Variants in UCP1 observed in about 807,000 individuals in gnomAD.
The protein encoded by UCP1 is uncoupling protein 1.
A neutral mutation model predicts 26.2 loss-of-function variants in UCP1; 24 were observed. The observed-to-expected ratio is 0.92, with a 90% CI of 0.66 to 1.29. The LOEUF (loss-of-function observed/expected upper bound fraction) is 1.29, where lower values mean the gene tolerates loss of function less well. Among genes scored for constraint, UCP1 ranks in the 50% most tolerant of loss-of-function variants. The probability of loss-of-function intolerance (pLI) is 0.00; values close to 1 mark genes in which losing one functional copy is unlikely to be tolerated. For missense variants in UCP1, 402 were observed against 388.7 expected, an observed-to-expected ratio of 1.03 and a Z score of -0.29; for synonymous variants, 164 against 156.8, an observed-to-expected ratio of 1.05 and a Z score of -0.34.
At chr4:140,562,888 T>C (rs1735709167) in intron 4 of UCP1, among the ~76,000 whole-genome samples, 1 of 151,720 alleles carries the variant, frequency 6.6e-6, no homozygotes, top group Non-Finnish European at 1.5e-5. Flanking sequence ...TGAAATTGCC[T>C]GTTATTTTTG....
chr4:140,563,989 G>A (rs1418268253), intron 2 of UCP1, among the ~76,000 whole-genome samples: 3 of 152,200 alleles, frequency 2.0e-5, no homozygotes, highest in South Asian at 4.1e-4. Flanking sequence ...CGTCAACTCA[G>A]AGTAAGGCTA....
In UCP1 at chr4:140,568,737, C is replaced by G; in HGVS notation, c.-8G>C. ...GGCTGTCAGGCCCCCCATCTTCACTCAGAGACTGGAGATGCAGAGGAAAAG... is the reference window on the plus strand; with the variant it reads ...GGCTGTCAGGCCCCCCATCTTCACTGAGAGACTGGAGATGCAGAGGAAAAG... On this transcript the variant is annotated 5_prime_UTR_variant, in exon 1 of 6. Transcript: ENST00000262999. The G allele has an allele frequency of 6.3e-7, 1 of 1,582,664 alleles. No homozygotes were observed. Among genetic ancestry groups the G allele is most frequent in the Admixed American group, 1.8e-5 (1 of 55,464 alleles).
At chr4:140,561,631 G>A (rs56220366) in intron 5 of UCP1, among the ~76,000 whole-genome samples, 1 of 152,130 alleles carries the variant, frequency 6.6e-6, no homozygotes, top group Non-Finnish European at 1.5e-5. Flanking sequence ...GAGCCACCAC[G>A]CCGAGCCCAT....
intron 2 of UCP1, 143 bp downstream of exon 2, chr4:140,567,636 C>T: frequency 1.9e-6 from 2 of 1,077,226 alleles, no homozygotes. Flanking sequence ...GAACAATGAG[C>T]TAATGTTTGG....
At chr4:140,560,079 G>C (rs1735643960) in intron 5 of UCP1, 69 bp from the exon 6 acceptor site, 71 of 1,264,056 alleles carry the variant, frequency 5.6e-5, no homozygotes, top group Non-Finnish European at 7.7e-5. Flanking sequence ...TTGAGATGAG[G>C]CTTCACCCTG....
In UCP1 at chr4:140,562,388, T is replaced by C. The variant is rs1735697512; in HGVS notation, c.629-15A>G. ...GGGGACGTCATCTAAAATGGATCGA[T>C]GAAACAGGTCAACATCAGACTTTTG... is the stretch of plus-strand genomic sequence containing the variant. On this transcript the variant is annotated splice_polypyrimidine_tract_variant and intron_variant, in intron 4 of 5. Coordinates refer to ENST00000262999, the MANE Select transcript of UCP1 (RefSeq NM_021833.5). 1.2e-6 allele frequency: 2 copies of C among 1,613,530 alleles called. No individual in the cohort carries two copies. The highest frequency in any genetic ancestry group is 2.7e-5 in the African/African-American group (2 of 74,912).
chr4:140,565,219 C>T (rs1396053463), intron 2 of UCP1, among the ~76,000 whole-genome samples: 1 of 152,150 alleles, frequency 6.6e-6, no homozygotes, highest in East Asian at 1.9e-4. Context: ...TTCTATACAT[C>T]CTCTCTCAAT....
intron 4 of UCP1, 92 bp from the exon 5 acceptor site, chr4:140,562,465 G>A (rs1310715929): frequency 6.4e-6 from 8 of 1,252,466 alleles, no homozygotes; most frequent in Non-Finnish European, 9.2e-6. Flanking sequence ...ATTGATAACA[G>A]TAGGTCAATG....
rs139398662 is a variant in UCP1, at chr4:140,567,977, C to A, written c.127G>T (p.Val43Phe). ...PLDTAKVRLQ[V>F]QGECPTSSVI... ...CTGGACGTCGGGCATTCACCTTGGA[C>A]CTGGAAATAAGAAAGGTGCAGAACA... The change falls in exon 2 of 6, where the codon GTC (valine) becomes TTC (phenylalanine). Residue 43 changes from valine (V) to phenylalanine (F), a missense_variant and splice_region_variant. Transcript: ENST00000262999. The A allele has an allele frequency of 1.1e-5, 18 of 1,614,034 alleles. No individual in the cohort carries two copies. The highest frequency in any genetic ancestry group is 1.5e-5 in the Non-Finnish European group (18 of 1,180,042).
At position 140,559,773 on chromosome 4, in the gene UCP1, C is replaced by T; in HGVS notation, c.*123G>A. 1 of 969,028 alleles carries T rather than the reference C, an allele frequency of 1.0e-6. No homozygotes were observed. Among genetic ancestry groups the T allele is most frequent in the Non-Finnish European group, 1.5e-6 (1 of 650,946 alleles). The allele number at this position is 969,028 out of a possible 1,614,324, so 60.0% of individuals were successfully genotyped here. A position where few individuals can be genotyped will look rare whatever the true frequency, so the allele number is the denominator to read the frequency against. ...TTCCTCTTTTTTATATAAAAAAGTCCAAAATTCTCTGCCAAAATTCCTTTA... is the reference window on the plus strand; with the variant it reads ...TTCCTCTTTTTTATATAAAAAAGTCTAAAATTCTCTGCCAAAATTCCTTTA... On this transcript the variant is annotated 3_prime_UTR_variant, in exon 6 of 6. Transcript: ENST00000262999.
In UCP1 at chr4:140,559,792, T is replaced by C; in HGVS notation, c.*104A>G. 9.0e-7 allele frequency: 1 copy of C among 1,113,462 alleles called. No individual in the cohort carries two copies. Among genetic ancestry groups the C allele is most frequent in the East Asian group, 2.5e-5 (1 of 39,520 alleles). The allele number at this position is 1,113,462 out of a possible 1,614,324, so 69.0% of individuals were successfully genotyped here. On this transcript the variant is annotated 3_prime_UTR_variant, in exon 6 of 6. Transcript: ENST00000262999. Reference sequence around the variant, plus strand: ...AAAGTCCAAAATTCTCTGCCAAAATTCCTTTATCTTTTTAGGTTAAAATAA... The same window carrying C: ...AAAGTCCAAAATTCTCTGCCAAAATCCCTTTATCTTTTTAGGTTAAAATAA...
At position 140,563,229 on chromosome 4, in the gene UCP1, GA is replaced by G; in HGVS notation, c.527-19del. 1 of 1,593,082 alleles carries G rather than the reference GA, an allele frequency of 6.3e-7. No homozygotes were observed. The highest frequency in any genetic ancestry group is 2.2e-5 in the East Asian group (1 of 44,780). ...AGTAGTCCCTGGGGAAAAAAAAAAA[GA>G]AAATGTTTATTAACTCTACTTTACA... On this transcript the variant is annotated intron_variant, in intron 3 of 5. Coordinates refer to ENST00000262999, the MANE Select transcript of UCP1 (RefSeq NM_021833.5).
Sources: gnomAD v4.1 joint callset for allele counts (sites outside exome capture counted in the v4.1 genomes callset) on GRCh38, gnomAD v4.1.1 for gene constraint, MANE v1.5 for transcripts, NCBI Gene and HGNC (gene_info 2026-07-23, HGNC 2026-07-21) for gene names.